Variants in ARHGAP15 observed in about 807,000 individuals in gnomAD.
ARHGAP15 encodes the protein Rho GTPase activating protein 15, also known as rho GTPase-activating protein 15.
In ARHGAP15, 51 loss-of-function variants were observed where a neutral mutation model predicts 63.7. That is an observed-to-expected ratio of 0.80 (90% CI 0.64 to 1.01). ARHGAP15 has a LOEUF of 1.01. Ranked by LOEUF, ARHGAP15 falls within the 50% of genes least tolerant of loss-of-function variation. The pLI is 0.00. For synonymous variants in ARHGAP15, 191 were observed against 193.8 expected, an observed-to-expected ratio of 0.99 and a Z score of 0.12; for missense variants, 560 against 564.6, an observed-to-expected ratio of 0.99 and a Z score of 0.08.
At chr2:143,475,462 G>T (rs1691768983) in intron 8 of ARHGAP15, among the ~76,000 whole-genome samples, 1 of 152,212 alleles carries the variant, frequency 6.6e-6, no homozygotes, top group South Asian at 2.1e-4. Flanking sequence ...TTAATAGAGG[G>T]TTCTGTCCCA....
chr2:143,486,614 C>A (rs1158546976), intron 8 of ARHGAP15, among the ~76,000 whole-genome samples: 2 of 151,892 alleles, frequency 1.3e-5, no homozygotes, highest in Non-Finnish European at 2.9e-5. Context: ...GTGTTTAGAC[C>A]ATGCTTAATG....
intron 12 of ARHGAP15, among the ~76,000 whole-genome samples, chr2:143,667,563 A>T (rs1186377592): frequency 6.9e-6 from 1 of 144,524 alleles, no homozygotes; most frequent in Non-Finnish European, 1.5e-5. Flanking sequence ...TAAAACTTAA[A>T]GTATAATTTA....
chr2:143,487,521 A>G (rs1045369264), intron 9 of ARHGAP15, 26 bp downstream of exon 9: 5 of 1,598,758 alleles, frequency 3.1e-6, no homozygotes, highest in Admixed American at 1.8e-5. Context: ...TACTTGTACT[A>G]TAACTGTGAT....
At chr2:143,540,744 C>G (rs940387133) in intron 10 of ARHGAP15, among the ~76,000 whole-genome samples, 1 of 152,166 alleles carries the variant, frequency 6.6e-6, no homozygotes, top group Non-Finnish European at 1.5e-5. Context: ...GCTGGGAGAT[C>G]AGCTGTTAGT....
At chr2:143,473,661 GATGTGTGCGCACTGCCTCATTTTGA>G (rs1691680500) in intron 8 of ARHGAP15, among the ~76,000 whole-genome samples, 1 of 152,162 alleles carries the variant, frequency 6.6e-6, no homozygotes, top group Non-Finnish European at 1.5e-5. Context: ...TCAAAATGAG[GATGTGTGCGCACTGCCTCATTTTGA>G]GTTTGCTTAA....
intron 10 of ARHGAP15, among the ~76,000 whole-genome samples, chr2:143,521,602 A>G (rs1462748080): frequency 6.6e-6 from 1 of 152,062 alleles, no homozygotes; most frequent in Non-Finnish European, 1.5e-5. Flanking sequence ...CCCTCCTTCT[A>G]ATGGCCAGAT....
intron 1 of ARHGAP15, among the ~76,000 whole-genome samples, chr2:143,145,481 T>C (rs979306173): frequency 7.9e-5 from 12 of 152,186 alleles, no homozygotes; most frequent in African/African-American, 2.9e-4. Flanking sequence ...GAGCTAGACC[T>C]GAACAAATAG....
At chr2:143,551,992 G>A (rs977768492) in intron 10 of ARHGAP15, among the ~76,000 whole-genome samples, 1 of 152,168 alleles carries the variant, frequency 6.6e-6, no homozygotes, top group Non-Finnish European at 1.5e-5. Context: ...AATTTGGAAG[G>A]ACCGAGACAG....
At chr2:143,481,962 T>C (rs926719869) in intron 8 of ARHGAP15, among the ~76,000 whole-genome samples, 2 of 152,194 alleles carry the variant, frequency 1.3e-5, no homozygotes, top group African/African-American at 4.8e-5. Context: ...GAGATTTGAA[T>C]TGCCTATTGT....
chr2:143,445,469 A>G (rs1690094835), intron 8 of ARHGAP15, among the ~76,000 whole-genome samples: 1 of 152,018 alleles, frequency 6.6e-6, no homozygotes, highest in African/African-American at 2.4e-5. Context: ...CCAGATTAAG[A>G]ACAATTTCTA....
intron 13 of ARHGAP15, among the ~76,000 whole-genome samples, chr2:143,762,890 G>A (rs556870016): frequency 6.6e-6 from 1 of 152,184 alleles, no homozygotes; most frequent in African/African-American, 2.4e-5. Flanking sequence ...CAAATCCATG[G>A]TAAAAATGTA....
At chr2:143,757,004 T>C (rs1378879066) in intron 13 of ARHGAP15, among the ~76,000 whole-genome samples, 1 of 152,164 alleles carries the variant, frequency 6.6e-6, no homozygotes, top group African/African-American at 2.4e-5. Context: ...CACAGAGTAA[T>C]AAAGATCTGC....
At chr2:143,766,578 G>A (rs1187571775) in intron 13 of ARHGAP15, 4 of 152,188 alleles carry the variant, frequency 2.6e-5, no homozygotes, top group Non-Finnish European at 5.9e-5. Context: ...ACTGTATGCT[G>A]AGGTTGCTAT....
intron 8 of ARHGAP15, among the ~76,000 whole-genome samples, chr2:143,461,388 G>A (rs77037682): frequency 0.064 from 9,672 of 150,202 alleles, 490 homozygotes; most frequent in East Asian, 0.22. Context: ...ACTCTTATAC[G>A]TTGAACACAA....
At chr2:143,368,230 TA>T (rs1374613381) in intron 6 of ARHGAP15, among the ~76,000 whole-genome samples, 3 of 152,052 alleles carry the variant, frequency 2.0e-5, no homozygotes, top group Non-Finnish European at 2.9e-5. Context: ...ACATGTTAAA[TA>T]ACAGTATATT....
At chr2:143,672,435 C>T (rs553694121) in intron 12 of ARHGAP15, among the ~76,000 whole-genome samples, 7 of 152,242 alleles carry the variant, frequency 4.6e-5, no homozygotes, top group African/African-American at 1.4e-4. Flanking sequence ...TGCCCATAAA[C>T]GCATAATAGA....
chr2:143,509,300 T>A (rs1323156452), intron 9 of ARHGAP15, among the ~76,000 whole-genome samples: 4 of 148,778 alleles, frequency 2.7e-5, no homozygotes, highest in East Asian at 2.0e-4. Flanking sequence ...GAAGTTAAAG[T>A]AATTAAGCTT....
intron 6 of ARHGAP15, among the ~76,000 whole-genome samples, chr2:143,371,581 G>A (rs559011373): frequency 6.6e-6 from 1 of 152,236 alleles, no homozygotes; most frequent in South Asian, 2.1e-4. Context: ...GTTTCATCTG[G>A]TTTGATTTGG....
intron 8 of ARHGAP15, among the ~76,000 whole-genome samples, chr2:143,481,271 A>T (rs1692068604): frequency 6.6e-6 from 1 of 152,122 alleles, no homozygotes; most frequent in South Asian, 2.1e-4. Flanking sequence ...TGTTGATCTC[A>T]ATGTCAAACC....
Sources: gnomAD v4.1 joint callset for allele counts (sites outside exome capture counted in the v4.1 genomes callset) on GRCh38, gnomAD v4.1.1 for gene constraint, MANE v1.5 for transcripts, NCBI Gene and HGNC (gene_info 2026-07-23, HGNC 2026-07-21) for gene names.